Variants in CADM1 observed in about 807,000 individuals in gnomAD.
The protein encoded by CADM1 is TSLC-1.
Under a neutral mutation model 53.1 loss-of-function variants are expected in CADM1, and 15 were observed. The ratio of observed to expected loss-of-function variants is 0.28; its 90% CI spans 0.19 to 0.44. CADM1 has a LOEUF of 0.44. Ranked by LOEUF, CADM1 falls within the 20% of genes least tolerant of loss-of-function variation. CADM1 has a pLI of 1.00. For synonymous variants in CADM1, 281 were observed against 243.0 expected (o/e 1.16, Z -1.45); for missense variants, 434 against 611.3 (o/e 0.71, Z 3.06).
chr11:115,398,283 T>C (rs749888333), intron 1 of CADM1, among the ~76,000 whole-genome samples: 3 of 152,188 alleles, frequency 2.0e-5, no homozygotes, highest in Non-Finnish European at 2.9e-5. Flanking sequence ...TGGAACTAAT[T>C]TGGAGATATT....
chr11:115,309,433 G>A (rs968349892), intron 1 of CADM1, among the ~76,000 whole-genome samples: 13 of 152,110 alleles, frequency 8.5e-5, no homozygotes, highest in Non-Finnish European at 1.9e-4. Flanking sequence ...AAAAAGTATC[G>A]TGAAATATTA....
chr11:115,257,179 G>GA (rs1194483880), intron 1 of CADM1, among the ~76,000 whole-genome samples: 3 of 151,726 alleles, frequency 2.0e-5, no homozygotes, highest in Non-Finnish European at 2.9e-5. Flanking sequence ...TTTTAATAAA[G>GA]AAAAAAATAA....
intron 1 of CADM1, among the ~76,000 whole-genome samples, chr11:115,487,929 TTTAC>T (rs1949412287): frequency 1.3e-5 from 2 of 152,176 alleles, no homozygotes; most frequent in South Asian, 4.1e-4. Context: ...CAAATCATTA[TTTAC>T]TTGACAGTAG....
chr11:115,452,141 A>G (rs1187001603), intron 1 of CADM1, among the ~76,000 whole-genome samples: 1 of 33,356 alleles, frequency 3.0e-5, no homozygotes, highest in Non-Finnish European at 5.6e-5. Context: ...TGGCGGGGCC[A>G]GCGGGGTGGG....
chr11:115,466,674 G>A (rs1169178966), intron 1 of CADM1, among the ~76,000 whole-genome samples: 1 of 152,188 alleles, frequency 6.6e-6, no homozygotes, highest in African/African-American at 2.4e-5. Context: ...AGGGTTAAAT[G>A]AAACACTCTT....
chr11:115,362,969 G>C (rs940188583), intron 1 of CADM1, among the ~76,000 whole-genome samples: 3 of 152,100 alleles, frequency 2.0e-5, no homozygotes, highest in African/African-American at 7.2e-5. Context: ...CAGAAATATA[G>C]AGCAAAGCTG....
At chr11:115,437,219 G>A (rs1050641999) in intron 1 of CADM1, among the ~76,000 whole-genome samples, 1 of 152,152 alleles carries the variant, frequency 6.6e-6, no homozygotes, top group Non-Finnish European at 1.5e-5. Flanking sequence ...TGCCCCAGAG[G>A]TGGAATAAAA....
intron 1 of CADM1, among the ~76,000 whole-genome samples, chr11:115,331,410 G>A (rs1945124754): frequency 6.6e-6 from 1 of 152,194 alleles, no homozygotes; most frequent in African/African-American, 2.4e-5. Context: ...AAGCCCTGCA[G>A]GCAGATCTGT....
chr11:115,308,542 C>T (rs149643477), intron 1 of CADM1, among the ~76,000 whole-genome samples: 67 of 152,012 alleles, frequency 4.4e-4, no homozygotes, highest in African/African-American at 1.5e-3. Context: ...TGATATGGCA[C>T]GTCTGCAAAA....
At chr11:115,504,057 ACT>A (rs981100646) in intron 1 of CADM1, among the ~76,000 whole-genome samples, 2 of 151,294 alleles carry the variant, frequency 1.3e-5, no homozygotes, top group African/African-American at 4.9e-5. Context: ...ATCCCTGGGG[ACT>A]CTCATTCACA....
At chr11:115,262,442 C>G (rs948079640) in intron 1 of CADM1, among the ~76,000 whole-genome samples, 3 of 152,200 alleles carry the variant, frequency 2.0e-5, no homozygotes, top group African/African-American at 7.2e-5. Flanking sequence ...AAAGGCTGAT[C>G]AGGGAGCCTT....
intron 1 of CADM1, among the ~76,000 whole-genome samples, chr11:115,378,184 G>A (rs1033390902): frequency 6.6e-6 from 1 of 152,126 alleles, no homozygotes; most frequent in South Asian, 2.1e-4. Flanking sequence ...TCAATTTATG[G>A]ACTCTGCTAT....
rs1942453466 is a variant in CADM1 at position 115,247,765 on chromosome 11, G to A, written c.125-7345C>T. On this transcript the variant is annotated intron_variant, in intron 1 of 11. Transcript: ENST00000331581. The stretch of plus-strand genomic sequence containing the variant: ...AATTCCTTTGGGGAGAGGCAGCTCT[G>A]AAATAGCACAGCAAGGTTTCTCCTT... Among the ~76,000 whole-genome samples the A allele has an allele frequency of 5.9e-5, 9 of 152,336 alleles. No homozygotes were observed. The South Asian group carries it at 1.9e-3, about 32-fold the overall frequency.
intron 1 of CADM1, among the ~76,000 whole-genome samples, chr11:115,451,235 T>C (rs1180456719): frequency 6.6e-6 from 1 of 152,214 alleles, no homozygotes. Context: ...ATTATCTGCC[T>C]TGCCTAAGTT....
At chr11:115,213,551 G>T (rs1365116213) in intron 7 of CADM1, among the ~76,000 whole-genome samples, 1 of 152,140 alleles carries the variant, frequency 6.6e-6, no homozygotes, top group African/African-American at 2.4e-5. Flanking sequence ...ATGGTGTAAA[G>T]CATGCTTCTA....
chr11:115,471,154 A>T (rs987334604), intron 1 of CADM1, among the ~76,000 whole-genome samples: 81 of 151,862 alleles, frequency 5.3e-4, no homozygotes, highest in African/African-American at 1.7e-3. Flanking sequence ...TGACAGTTAA[A>T]TTTTTTTTTC....
chr11:115,346,685 G>A (rs1945587598), intron 1 of CADM1, among the ~76,000 whole-genome samples: 1 of 152,174 alleles, frequency 6.6e-6, no homozygotes, highest in South Asian at 2.1e-4. Flanking sequence ...AATGAAAGCT[G>A]TCAGAGAGAG....
intron 1 of CADM1, among the ~76,000 whole-genome samples, chr11:115,410,367 G>A (rs774948483): frequency 2.0e-5 from 3 of 152,256 alleles, no homozygotes; most frequent in Non-Finnish European, 2.9e-5. Context: ...TTTCAATAAC[G>A]TAACTTACTT....
chr11:115,375,353 C>A (rs915127990), intron 1 of CADM1, among the ~76,000 whole-genome samples: 1 of 152,076 alleles, frequency 6.6e-6, no homozygotes, highest in Non-Finnish European at 1.5e-5. Flanking sequence ...AGGAAGGAAG[C>A]GCAGTAATTT....
Sources: allele counts gnomAD v4.1 joint callset (sites outside exome capture counted in the v4.1 genomes callset), GRCh38; gene constraint gnomAD v4.1.1; transcripts MANE v1.5; gene names NCBI Gene and HGNC (gene_info 2026-07-23, HGNC 2026-07-21).